Variants in LANCL2 observed in about 807,000 individuals in gnomAD.
LANCL2 encodes LanC like glutathione S-transferase 2.
LANCL2 carries 33 observed loss-of-function variants against 56.9 expected under a neutral mutation model. That is an observed-to-expected ratio of 0.58 (90% CI 0.44 to 0.78). The LOEUF (loss-of-function observed/expected upper bound fraction) is 0.78. Ranked by LOEUF, LANCL2 falls within the 30% of genes least tolerant of loss-of-function variation. The pLI is 0.00. For synonymous variants in LANCL2, 233 were observed against 228.2 expected, an observed-to-expected ratio of 1.02 and a Z score of -0.19; for missense variants, 562 against 580.2, an observed-to-expected ratio of 0.97 and a Z score of 0.32.
intron 5 of LANCL2, among the ~76,000 whole-genome samples, chr7:55,402,611 C>A (rs1410414696): frequency 8.3e-6 from 1 of 119,970 alleles, no homozygotes; most frequent in Non-Finnish European, 1.8e-5. Flanking sequence ...ATGACCCCCC[C>A]ACCTCCCTCC....
Position 55,365,852 on chromosome 7 carries a change from C to T in LANCL2, c.-174C>T. On this transcript the variant is annotated 5_prime_UTR_variant, in exon 1 of 9. It introduces an in-frame stop codon into an upstream open reading frame of the 5' UTR. Coordinates refer to ENST00000254770, the MANE Select transcript of LANCL2 (RefSeq NM_018697.4). ...CCTCTGCGGCCGCCTGATGTGCGAG[C>T]AGCCCGCGACGAGGCAGTGCACGCT... The T allele has an allele frequency of 2.1e-6, 1 of 472,240 alleles. No homozygotes were observed. The highest frequency in any genetic ancestry group is 3.7e-6 in the Non-Finnish European group (1 of 271,312). The allele number at this position is 472,240 out of a possible 1,614,324, so 29.3% of individuals were successfully genotyped here.
intron 1 of LANCL2, among the ~76,000 whole-genome samples, chr7:55,369,888 C>T (rs973351813): frequency 6.6e-6 from 1 of 152,156 alleles, no homozygotes; most frequent in African/African-American, 2.4e-5. Context: ...GCAGCCCCAC[C>T]CCTAGGGCTG....
intron 5 of LANCL2, among the ~76,000 whole-genome samples, chr7:55,407,708 C>A (rs1011112863): frequency 2.6e-5 from 4 of 152,246 alleles, no homozygotes; most frequent in African/African-American, 9.6e-5. Context: ...TGCTTTCAGA[C>A]TCCAGCTGCA....
At chr7:55,370,667 A>G (rs962321891) in intron 1 of LANCL2, among the ~76,000 whole-genome samples, 3 of 152,202 alleles carry the variant, frequency 2.0e-5, no homozygotes, top group Non-Finnish European at 4.4e-5. Flanking sequence ...GGCTTTTTAG[A>G]CTAAAATGAT....
intron 5 of LANCL2, among the ~76,000 whole-genome samples, chr7:55,409,569 A>C (rs1032842934): frequency 6.6e-6 from 1 of 152,114 alleles, no homozygotes; most frequent in African/African-American, 2.4e-5. Flanking sequence ...GGAGTACTCT[A>C]AGAAGGAGGA....
At chr7:55,401,094 T>C (rs1790317160) in intron 4 of LANCL2, 80 bp from the exon 5 acceptor site, 1 of 1,194,208 alleles carries the variant, frequency 8.4e-7, no homozygotes, top group Non-Finnish European at 1.2e-6. Flanking sequence ...ATATGTCATA[T>C]ATATATGACA....
intron 5 of LANCL2, among the ~76,000 whole-genome samples, chr7:55,406,352 G>A (rs1015756026): frequency 3.3e-5 from 5 of 152,242 alleles, no homozygotes; most frequent in Non-Finnish European, 7.3e-5. Flanking sequence ...TCAGGAACAA[G>A]TGCTGGCTGC....
chr7:55,370,556 C>T (rs1789931874), intron 1 of LANCL2, among the ~76,000 whole-genome samples: 1 of 152,128 alleles, frequency 6.6e-6, no homozygotes, highest in African/African-American at 2.4e-5. Flanking sequence ...CCTCCAGAAC[C>T]CTGCAATGAG....
At chr7:55,395,611 A>G (rs554217351) in intron 2 of LANCL2, among the ~76,000 whole-genome samples, 1 of 152,328 alleles carries the variant, frequency 6.6e-6, no homozygotes, top group South Asian at 2.1e-4. Context: ...TATCAAGGAA[A>G]AAAATCAAAG....
At chr7:55,415,058 T>A (rs1790512863) in intron 6 of LANCL2, among the ~76,000 whole-genome samples, 1 of 151,950 alleles carries the variant, frequency 6.6e-6, no homozygotes, top group South Asian at 2.1e-4. Context: ...TTAGGAATTT[T>A]ATTAATTGTG....
intron 1 of LANCL2, among the ~76,000 whole-genome samples, chr7:55,376,750 C>T (rs953411386): frequency 2.0e-5 from 3 of 152,206 alleles, no homozygotes; most frequent in Admixed American, 6.5e-5. Context: ...TTATTATATG[C>T]AATCATAATT....
chr7:55,365,980 C>T lies in LANCL2; in HGVS notation c.-46C>T. 7.4e-7 allele frequency: 1 copy of T among 1,345,282 alleles called. No homozygotes were observed. Among genetic ancestry groups the T allele is most frequent in the Non-Finnish European group, 9.7e-7 (1 of 1,029,534 alleles). The allele number at this position is 1,345,282 out of a possible 1,614,324, so 83.3% of individuals were successfully genotyped here. A position where few individuals can be genotyped will look rare whatever the true frequency, so the allele number is the denominator to read the frequency against. ...GCGGCGGCGGGGCGAGCTGCAGCGCCGGGACAGGAGGTTTGTCCCCGCCCG... is the reference window on the plus strand; with the variant it reads ...GCGGCGGCGGGGCGAGCTGCAGCGCTGGGACAGGAGGTTTGTCCCCGCCCG... On this transcript the variant is annotated 5_prime_UTR_variant, in exon 1 of 9. Coordinates refer to ENST00000254770, the MANE Select transcript of LANCL2 (RefSeq NM_018697.4).
chr7:55,431,420 G>T lies in LANCL2; in HGVS notation c.*100G>T. The stretch of plus-strand genomic sequence containing the variant: ...AACTGGGAATCCTGAAAGAGAAGCA[G>T]ACACCGTCACAGGCCCCTCTGGTTA... On this transcript the variant is annotated 3_prime_UTR_variant, in exon 9 of 9. Transcript: ENST00000254770. 1 of 799,914 alleles carries T rather than the reference G, an allele frequency of 1.3e-6. No homozygotes were observed. The highest frequency in any genetic ancestry group is 2.0e-6 in the Non-Finnish European group (1 of 500,988). 49.6% of individuals were successfully genotyped at this position (799,914 alleles called of 1,614,324 possible).
chr7:55,370,043 G>A (rs1173185590), intron 1 of LANCL2, among the ~76,000 whole-genome samples: 1 of 152,188 alleles, frequency 6.6e-6, no homozygotes, highest in Admixed American at 6.5e-5. Context: ...GGGTGGTTCT[G>A]GCTCACGGTC....
intron 8 of LANCL2, among the ~76,000 whole-genome samples, chr7:55,429,670 T>A (rs752312039): frequency 3.9e-5 from 6 of 152,242 alleles, no homozygotes; most frequent in Non-Finnish European, 8.8e-5. Flanking sequence ...GTTGTAGTCC[T>A]CTATGTCATA....
intron 6 of LANCL2, among the ~76,000 whole-genome samples, chr7:55,418,529 T>A (rs1790570866): frequency 6.6e-6 from 1 of 152,230 alleles, no homozygotes; most frequent in Non-Finnish European, 1.5e-5. Context: ...AATTCACGTA[T>A]CAGTTCTGGT....
At position 55,401,235 on chromosome 7, in the gene LANCL2, G is replaced by A. The variant is rs761840899; in HGVS notation, c.740G>A (p.Arg247His). Residue 247 changes from arginine (R) to histidine (H), a missense_variant, in exon 5 of 9, where the codon CGC (arginine) becomes CAC (histidine). Transcript: ENST00000254770. Reference sequence around the variant, plus strand: ...TCAAGGGAAGAAAGAAAAACGGAGCGCTGCCCGCTGTTGTACCAGTGGCAC... The same window carrying A: ...TCAAGGGAAGAAAGAAAAACGGAGCACTGCCCGCTGTTGTACCAGTGGCAC... ...TLSREERKTERCPLLYQWHRK... is the reference protein window; with the variant it reads ...TLSREERKTEHCPLLYQWHRK... 35 of 1,613,972 alleles carry A rather than the reference G, an allele frequency of 2.2e-5. No homozygotes were observed. The highest frequency in any genetic ancestry group is 2.6e-5 in the Non-Finnish European group (31 of 1,179,980).
chr7:55,369,540 A>G (rs1460278680), intron 1 of LANCL2, among the ~76,000 whole-genome samples: 1 of 152,210 alleles, frequency 6.6e-6, no homozygotes, highest in Non-Finnish European at 1.5e-5. Context: ...CCAGTGTAGT[A>G]GCAGTTGTTT....
rs185082137 is a variant in LANCL2, at chr7:55,370,087, G to A, written c.204+3858G>A. 1.8e-3 allele frequency among the ~76,000 whole-genome samples: 280 copies of A among 152,284 alleles called. 3 individuals carry two copies. Among genetic ancestry groups the A allele is most frequent in the African/African-American group, 6.1e-3 (253 of 41,544 alleles). On this transcript the variant is annotated intron_variant, in intron 1 of 8. Transcript: ENST00000254770. ...AGCTGCACTCAAGCTCTGAACCAGG[G>A]CTTCTGTCATTTTGAGGCTTAACTG...
Sources: allele counts gnomAD v4.1 joint callset (sites outside exome capture counted in the v4.1 genomes callset), GRCh38; gene constraint gnomAD v4.1.1; transcripts MANE v1.5; gene names NCBI Gene and HGNC (gene_info 2026-07-23, HGNC 2026-07-21).